Variants in PARG observed in about 807,000 individuals in gnomAD.
PARG encodes the protein poly(ADP-ribose) glycohydrolase, also known as mitochondrial poly(ADP-ribose) glycohydrolase.
PARG carries 35 observed loss-of-function variants against 113.0 expected under a neutral mutation model. The observed-to-expected ratio is 0.31, with a 90% CI of 0.24 to 0.41. PARG has a LOEUF of 0.41. Ranked by LOEUF, PARG falls within the 10% of genes least tolerant of loss-of-function variation. The pLI is 1.00. For synonymous variants in PARG, 330 were observed against 409.9 expected (o/e 0.81, Z 2.36); for missense variants, 797 against 1,169.4 (o/e 0.68, Z 4.64).
chr10:49,832,781 A>G, intron 16 of PARG, 22 bp downstream of exon 16: 1 of 1,406,092 alleles, frequency 7.1e-7, no homozygotes, highest in Non-Finnish European at 9.8e-7. Context: ...GAATGCTTTT[A>G]TCCTTTTCTA....
At chr10:49,925,716 C>A (rs1402929818) in intron 4 of PARG, among the ~76,000 whole-genome samples, 6 of 152,220 alleles carry the variant, frequency 3.9e-5, no homozygotes, top group Admixed American at 3.9e-4. Flanking sequence ...GTAAAAACAT[C>A]TACTGAGACA....
chr10:49,846,317 G>A (rs1203849350), intron 13 of PARG, among the ~76,000 whole-genome samples: 6 of 150,606 alleles, frequency 4.0e-5, no homozygotes, highest in African/African-American at 1.5e-4. Flanking sequence ...GGTTGTTTCT[G>A]GGGTTGGGGA....
At chr10:49,831,324 T>G (rs1297484689) in intron 16 of PARG, among the ~76,000 whole-genome samples, 4 of 152,206 alleles carry the variant, frequency 2.6e-5, no homozygotes, top group African/African-American at 9.6e-5. Context: ...TCAAGTATTC[T>G]CAAAGAGATG....
intron 11 of PARG, among the ~76,000 whole-genome samples, chr10:49,863,907 TAGAG>T (rs1846369322): frequency 2.1e-5 from 3 of 144,744 alleles, no homozygotes; most frequent in African/African-American, 7.7e-5. Context: ...TATGCACTGT[TAGAG>T]AGGGAAGTAG....
chr10:49,918,511 G>C (rs1300531076), intron 6 of PARG, among the ~76,000 whole-genome samples: 3 of 152,050 alleles, frequency 2.0e-5, no homozygotes, highest in Non-Finnish European at 4.4e-5. Flanking sequence ...AGTTCTTTAT[G>C]GTTCATAATT....
At chr10:49,862,767 C>T (rs531523286) in intron 11 of PARG, among the ~76,000 whole-genome samples, 1 of 151,838 alleles carries the variant, frequency 6.6e-6, no homozygotes, top group Admixed American at 6.6e-5. Context: ...AATCAGTATG[C>T]TACACTTTTA....
intron 4 of PARG, among the ~76,000 whole-genome samples, chr10:49,929,086 G>T (rs1423393639): frequency 1.3e-4 from 20 of 151,838 alleles, no homozygotes; most frequent in Admixed American, 3.3e-4. Flanking sequence ...AAGGGTCCTG[G>T]GTATCTAAGA....
chr10:49,860,178 C>G (rs1480465253), intron 12 of PARG, among the ~76,000 whole-genome samples: 2 of 152,210 alleles, frequency 1.3e-5, no homozygotes, highest in Admixed American at 1.3e-4. Context: ...TTACGGTATT[C>G]TCTAATCTAC....
At chr10:49,858,233 C>T (rs1301307113) in intron 12 of PARG, among the ~76,000 whole-genome samples, 103 of 104,436 alleles carry the variant, frequency 9.9e-4, no homozygotes, top group African/African-American at 2.7e-3. Flanking sequence ...GCATTATTTC[C>T]GTTTGTCCAG....
At chr10:49,828,088 T>TAAAC (rs1844449625) in intron 16 of PARG, among the ~76,000 whole-genome samples, 1 of 5,054 alleles carries the variant, frequency 2.0e-4, no homozygotes. Flanking sequence ...GTAGAAAGCT[T>TAAAC]AAACAAAAAA....
At position 49,934,147 on chromosome 10, in the gene PARG, T is replaced by G; in HGVS notation, c.301A>C (p.Asn101His). ...ATGGATTCTATTCTTGTATTGTTGT[T>G]TTCTTTACTATCCAAACTACAAGAG... ...AESESLDSKE[N>H]NNTRIESMMS... Residue 101 changes from asparagine (N) to histidine (H), a missense_variant, in exon 3 of 18, where the codon AAC (asparagine) becomes CAC (histidine). By Grantham distance (68) the Asn-to-His change is moderately conservative. This residue lies in a region of PARG where 284 missense variants were observed against 306.1 expected (regional missense o/e 0.93). Coordinates refer to ENST00000616448, the MANE Select transcript of PARG (RefSeq NM_003631.5). 1 of 1,070,144 alleles carries G rather than the reference T, an allele frequency of 9.3e-7. No individual in the cohort carries two copies. The highest frequency in any genetic ancestry group is 1.5e-6 in the Non-Finnish European group (1 of 684,540). The allele number at this position is 1,070,144 out of a possible 1,614,324, so 66.3% of individuals were successfully genotyped here.
chr10:49,900,541 TGAAG>T (rs1453977422), intron 7 of PARG, among the ~76,000 whole-genome samples: 7 of 152,220 alleles, frequency 4.6e-5, no homozygotes, highest in Admixed American at 1.3e-4. Flanking sequence ...TTATAAAACA[TGAAG>T]GAAGTTCTTC....
intron 7 of PARG, among the ~76,000 whole-genome samples, chr10:49,897,992 C>CA (rs1262857379): frequency 2.1e-3 from 307 of 149,622 alleles, no homozygotes; most frequent in African/African-American, 7.1e-3. Context: ...GACTCTGTCT[C>CA]AAAAAAAACA....
At chr10:49,913,907 A>C (rs1837328926) in intron 7 of PARG, among the ~76,000 whole-genome samples, 1 of 151,642 alleles carries the variant, frequency 6.6e-6, no homozygotes, top group Admixed American at 6.6e-5. Context: ...CATTTCATAA[A>C]TAAATAAATA....
intron 16 of PARG, among the ~76,000 whole-genome samples, chr10:49,823,253 GGTGT>G (rs782274371): frequency 2.0e-5 from 3 of 151,858 alleles, no homozygotes; most frequent in Admixed American, 6.6e-5. Context: ...CATACATAAA[GGTGT>G]GTATTTTTAT....
chr10:49,851,529 C>T (rs1554834203), intron 13 of PARG, among the ~76,000 whole-genome samples: 1 of 151,932 alleles, frequency 6.6e-6, no homozygotes, highest in Non-Finnish European at 1.5e-5. Flanking sequence ...ATGGTGTCTA[C>T]TTGTTATCAT....
intron 7 of PARG, among the ~76,000 whole-genome samples, chr10:49,892,013 G>A (rs1210813122): frequency 2.6e-5 from 4 of 151,772 alleles, no homozygotes; most frequent in African/African-American, 9.7e-5. Flanking sequence ...TTTCCTGGCC[G>A]GGCGTGGTGG....
In PARG at chr10:49,942,003, G is replaced by C; in HGVS notation, c.-278C>G. ...CACCACCGGAAAGCTGCCGTCAGGC[G>C]CTTCCGGCTTCCGGGGCGCACACTG... is the stretch of plus-strand genomic sequence containing the variant. On this transcript the variant is annotated 5_prime_UTR_variant, in exon 1 of 18. Coordinates refer to ENST00000616448, the MANE Select transcript of PARG (RefSeq NM_003631.5). The C allele has an allele frequency of 1.1e-6, 1 of 942,116 alleles. No individual in the cohort carries two copies. The highest frequency in any genetic ancestry group is 2.6e-5 in the East Asian group (1 of 37,944). The allele number at this position is 942,116 out of a possible 1,614,324, so 58.4% of individuals were successfully genotyped here.
chr10:49,923,522 C>T (rs1194679439), intron 4 of PARG, among the ~76,000 whole-genome samples: 3 of 151,866 alleles, frequency 2.0e-5, no homozygotes, highest in African/African-American at 4.8e-5. Context: ...GGAAGTGGTA[C>T]AGTAGGTAGC....
Sources: allele counts gnomAD v4.1 joint callset (sites outside exome capture counted in the v4.1 genomes callset), GRCh38; gene constraint gnomAD v4.1.1; regional missense constraint gnomAD v4.1.1; transcripts MANE v1.5; gene names NCBI Gene and HGNC (gene_info 2026-07-23, HGNC 2026-07-21).